The following ACBD6 variants were observed in gnomAD, a reference collection of about 807,000 sequenced individuals.
The protein encoded by ACBD6 is acyl-CoA binding domain containing 6, also known as acyl-CoA-binding domain-containing protein 6.
In ACBD6, 28 loss-of-function variants were observed where a neutral mutation model predicts 37.2. That is an observed-to-expected ratio of 0.75 (90% CI 0.56 to 1.03). The LOEUF is 1.03. Ranked by LOEUF, ACBD6 falls within the 50% of genes least tolerant of loss-of-function variation. The pLI is 0.00. For missense variants in ACBD6, 340 were observed against 337.4 expected, an observed-to-expected ratio of 1.01 and a Z score of -0.06; for synonymous variants, 113 against 126.8, an observed-to-expected ratio of 0.89 and a Z score of 0.73.
At position 180,502,204 on chromosome 1, in the gene ACBD6, T is replaced by C. The variant is rs1278836594; in HGVS notation, c.63A>G (p.Ser21=). 6.2e-7 allele frequency: 1 copy of C among 1,613,932 alleles called. No individual in the cohort carries two copies. The highest frequency in any genetic ancestry group is 1.1e-5 in the South Asian group (1 of 91,084). Residue 21 remains serine (S), a synonymous_variant, in exon 1 of 8, where the codon TCA becomes TCG. Transcript: ENST00000367595. ...ACTCCACCTCCCCGGAGTCGTCCCCTGAGCTCAGCTCTCCACCGCTGTCGC... is the reference window on the plus strand; with the variant it reads ...ACTCCACCTCCCCGGAGTCGTCCCCCGAGCTCAGCTCTCCACCGCTGTCGC... ...ITGDSGGELS[S]GDDSGEVEFP...
At chr1:180,483,528 C>A (rs1021033488) in intron 3 of ACBD6, among the ~76,000 whole-genome samples, 1 of 152,090 alleles carries the variant, frequency 6.6e-6, no homozygotes, top group Non-Finnish European at 1.5e-5. Flanking sequence ...CCTAGAACTA[C>A]AACTTGCACA....
At chr1:180,494,367 A>G (rs1456391579) in intron 2 of ACBD6, among the ~76,000 whole-genome samples, 3 of 152,234 alleles carry the variant, frequency 2.0e-5, no homozygotes, top group Non-Finnish European at 1.5e-5. Flanking sequence ...CTCACTGTCA[A>G]CGTTAACATC....
chr1:180,461,107 G>C (rs1317130730), intron 3 of ACBD6, among the ~76,000 whole-genome samples: 3 of 152,096 alleles, frequency 2.0e-5, no homozygotes, highest in Non-Finnish European at 4.4e-5. Flanking sequence ...TAATACAATT[G>C]CAAGTATTAA....
chr1:180,375,287 G>A (rs1653391741), intron 6 of ACBD6, among the ~76,000 whole-genome samples: 1 of 151,608 alleles, frequency 6.6e-6, no homozygotes, highest in Non-Finnish European at 1.5e-5. Context: ...CAAACATAAG[G>A]AAATACAATA....
At chr1:180,326,904 G>C (rs866139705) in intron 6 of ACBD6, among the ~76,000 whole-genome samples, 7 of 152,268 alleles carry the variant, frequency 4.6e-5, no homozygotes, top group Middle Eastern at 3.4e-3. Context: ...CTATCCTACT[G>C]TGGCTGAGCA....
intron 2 of ACBD6, among the ~76,000 whole-genome samples, chr1:180,493,247 CAAAAAAAAAAAAAAAAAAA>C (rs71121023): frequency 2.1e-5 from 1 of 47,810 alleles, no homozygotes; most frequent in African/African-American, 1.2e-4. Flanking sequence ...AATTCTGTCT[CAAAAAAAAAAAAAAAAAAA>C]AAAAAAAAAA....
intron 7 of ACBD6, among the ~76,000 whole-genome samples, chr1:180,304,292 A>C (rs1352376935): frequency 6.6e-6 from 1 of 150,688 alleles, no homozygotes; most frequent in Non-Finnish European, 1.5e-5. Context: ...AAGGGTATTC[A>C]ATTAGGAAAA....
chr1:180,380,820 A>G (rs1031340268), intron 6 of ACBD6, among the ~76,000 whole-genome samples: 1 of 152,192 alleles, frequency 6.6e-6, no homozygotes, highest in African/African-American at 2.4e-5. Flanking sequence ...AGGATATACA[A>G]AACAACCAGA....
intron 6 of ACBD6, among the ~76,000 whole-genome samples, chr1:180,366,149 T>TG (rs1571414245): frequency 6.6e-6 from 1 of 152,220 alleles, no homozygotes; most frequent in African/African-American, 2.4e-5. Context: ...AAACCATCAA[T>TG]GAGCCACCAG....
intron 5 of ACBD6, among the ~76,000 whole-genome samples, chr1:180,400,945 G>C (rs1171700194): frequency 6.6e-6 from 1 of 151,976 alleles, no homozygotes; most frequent in Non-Finnish European, 1.5e-5. Flanking sequence ...CTAAATTTAT[G>C]AACTATTTTA....
intron 3 of ACBD6, among the ~76,000 whole-genome samples, chr1:180,489,316 T>A (rs1651396814): frequency 1.3e-5 from 2 of 151,338 alleles, no homozygotes; most frequent in Admixed American, 1.3e-4. Flanking sequence ...ATGATCTGCC[T>A]CCTAACAGTT....
At chr1:180,275,945 C>CGACA (rs1283779065) in intron 9 of ACBD6, 4 of 152,286 alleles carry the variant, frequency 2.6e-5, no homozygotes, top group Admixed American at 6.5e-5. Flanking sequence ...GCCACTCCTG[C>CGACA]GACAGACTGC....
At chr1:180,391,283 AAAC>A (rs150042782) in intron 6 of ACBD6, among the ~76,000 whole-genome samples, 3,070 of 152,214 alleles carry the variant, frequency 0.02, 96 homozygotes, top group African/African-American at 0.068. Context: ...TTAAAACCAC[AAAC>A]AACAACAACA....
At chr1:180,391,597 G>A (rs942560844) in intron 6 of ACBD6, among the ~76,000 whole-genome samples, 1 of 152,056 alleles carries the variant, frequency 6.6e-6, no homozygotes, top group Non-Finnish European at 1.5e-5. Flanking sequence ...CAAAACCACA[G>A]TGAGATGCTA....
At chr1:180,363,575 CAGT>C (rs1340979050) in intron 6 of ACBD6, among the ~76,000 whole-genome samples, 5 of 152,074 alleles carry the variant, frequency 3.3e-5, no homozygotes, top group African/African-American at 9.7e-5. Context: ...ACTGCAAAGA[CAGT>C]GGTGGTTTGG....
chr1:180,457,447 G>A (rs1000200985), intron 3 of ACBD6, among the ~76,000 whole-genome samples: 6 of 151,300 alleles, frequency 4.0e-5, no homozygotes, highest in African/African-American at 1.2e-4. Context: ...GGGGAGAAAC[G>A]TCTCTCTTAC....
intron 6 of ACBD6, among the ~76,000 whole-genome samples, chr1:180,344,697 C>A (rs571186916): frequency 1.6e-4 from 25 of 152,214 alleles, no homozygotes; most frequent in Non-Finnish European, 2.8e-4. Context: ...CACTATTATT[C>A]CCATTTTCAA....
intron 3 of ACBD6, among the ~76,000 whole-genome samples, chr1:180,477,954 C>A (rs1650863690): frequency 1.4e-5 from 2 of 147,480 alleles, no homozygotes; most frequent in South Asian, 2.1e-4. Flanking sequence ...CTAGCCTAGG[C>A]AACATAGTGA....
Position 180,311,715 on chromosome 1 carries a change from G to A in ACBD6, c.694+2977C>T, listed in dbSNP as rs541057782. Among the ~76,000 whole-genome samples the A allele has an allele frequency of 5.3e-5, 8 of 152,302 alleles. No individual in the cohort carries two copies. In the South Asian group the frequency reaches 6.2e-4, roughly 12 times the overall value. On this transcript the variant is annotated intron_variant, in intron 7 of 7. Transcript: ENST00000367595. ...TCTGTGTTCTTGGCTACAGCATTGT[G>A]GAGTGGAGTCTCCACATCACTGACC... is the stretch of plus-strand genomic sequence containing the variant.
Sources: gnomAD v4.1 joint callset for allele counts (sites outside exome capture counted in the v4.1 genomes callset) on GRCh38, gnomAD v4.1.1 for gene constraint, MANE v1.5 for transcripts, NCBI Gene and HGNC (gene_info 2026-07-23, HGNC 2026-07-21) for gene names.